MANBA: variants seen among roughly 807,000 people sequenced by gnomAD.
MANBA encodes the protein mannosidase beta, also known as beta-mannosidase.
A neutral mutation model predicts 111.1 loss-of-function variants in MANBA; 83 were observed. The observed-to-expected ratio is 0.75, with a 90% CI of 0.63 to 0.90. The LOEUF is 0.90. Ranked by LOEUF, MANBA falls within the 40% of genes least tolerant of loss-of-function variation. The pLI is 0.00. For missense variants in MANBA, 1,036 were observed against 1,069.0 expected (o/e 0.97, Z 0.43); for synonymous variants, 370 against 378.7 (o/e 0.98, Z 0.27).
intron 5 of MANBA, among the ~76,000 whole-genome samples, chr4:102,700,654 T>A (rs1237641241): frequency 6.6e-6 from 1 of 152,242 alleles, no homozygotes; most frequent in Non-Finnish European, 1.5e-5. Flanking sequence ...TCAGTTTCCA[T>A]GTAGTTGAGC....
chr4:102,755,423 G>A (rs1356379045), intron 1 of MANBA, among the ~76,000 whole-genome samples: 1 of 152,190 alleles, frequency 6.6e-6, no homozygotes, highest in Non-Finnish European at 1.5e-5. Flanking sequence ...GCCAAATGTA[G>A]AAAGCTGAAA....
At chr4:102,742,584 G>C (rs929910949) in intron 1 of MANBA, among the ~76,000 whole-genome samples, 1 of 152,184 alleles carries the variant, frequency 6.6e-6, no homozygotes, top group Non-Finnish European at 1.5e-5. Context: ...AACATGGTAA[G>C]ACCAGTGAAT....
At chr4:102,672,314 A>G (rs1044248405) in intron 8 of MANBA, among the ~76,000 whole-genome samples, 2 of 152,210 alleles carry the variant, frequency 1.3e-5, no homozygotes, top group African/African-American at 4.8e-5. Context: ...TAGATAATAA[A>G]TAAGTTTAAA....
intron 14 of MANBA, among the ~76,000 whole-genome samples, chr4:102,638,273 A>G (rs1369821774): frequency 1.3e-5 from 2 of 152,130 alleles, no homozygotes; most frequent in Non-Finnish European, 2.9e-5. Context: ...AAAAAATACA[A>G]AAATGAGCCA....
At chr4:102,681,386 C>A (rs1731969022) in intron 7 of MANBA, among the ~76,000 whole-genome samples, 1 of 152,014 alleles carries the variant, frequency 6.6e-6, no homozygotes, top group Non-Finnish European at 1.5e-5. Context: ...GTATCTGCCA[C>A]CCCCTACTAA....
At chr4:102,724,230 C>T (rs1173336463) in intron 2 of MANBA, among the ~76,000 whole-genome samples, 1 of 152,166 alleles carries the variant, frequency 6.6e-6, no homozygotes, top group Non-Finnish European at 1.5e-5. Flanking sequence ...AATATATTGA[C>T]TTTTTCTAGT....
chr4:102,659,460 C>G (rs1472172488), intron 11 of MANBA, among the ~76,000 whole-genome samples: 2 of 152,072 alleles, frequency 1.3e-5, no homozygotes, highest in Non-Finnish European at 2.9e-5. Context: ...AAATCCTTAA[C>G]CCTTTCCTTT....
intron 13 of MANBA, among the ~76,000 whole-genome samples, chr4:102,644,091 GTCTGAATTT>G (rs1729996947): frequency 6.6e-6 from 1 of 152,092 alleles, no homozygotes; most frequent in African/African-American, 2.4e-5. Context: ...TGAGGTAGTG[GTCTGAATTT>G]ATTCTTTTGC....
intron 5 of MANBA, among the ~76,000 whole-genome samples, chr4:102,697,295 A>G (rs1732761131): frequency 6.6e-6 from 1 of 152,206 alleles, no homozygotes; most frequent in African/African-American, 2.4e-5. Context: ...TTCCAAATGA[A>G]TGCATTAAAA....
At position 102,635,949 on chromosome 4, in the gene MANBA, CA is replaced by C. The variant is rs774701514; in HGVS notation, c.2072del (p.Leu691ArgfsTer4). On this transcript the variant is annotated frameshift_variant, in exon 15 of 17. Coordinates refer to ENST00000647097, the MANE Select transcript of MANBA (RefSeq NM_005908.4). LOFTEE classifies it high-confidence loss of function. The stretch of plus-strand genomic sequence containing the variant: ...TTTCATTCTCAAAGCCTACTGGCAA[CA>C]GTGGAGCAAAGAAATTCTGAGCAAA... ...HYFAQNFFAP[L>X]LPVGFENENT... The C allele has an allele frequency of 5.6e-6, 9 of 1,612,758 alleles. No individual in the cohort carries two copies. The highest frequency in any genetic ancestry group is 7.6e-6 in the Non-Finnish European group (9 of 1,178,734).
chr4:102,697,890 G>C (rs1384945495), intron 5 of MANBA, among the ~76,000 whole-genome samples: 2 of 152,044 alleles, frequency 1.3e-5, no homozygotes, highest in East Asian at 3.9e-4. Flanking sequence ...GGATGGCTGG[G>C]TCAAATGGTA....
chr4:102,695,620 C>A (rs1037889963), intron 5 of MANBA, among the ~76,000 whole-genome samples: 6 of 152,134 alleles, frequency 3.9e-5, no homozygotes, highest in African/African-American at 1.4e-4. Context: ...CATCACTTTG[C>A]AGATGTTTCT....
At chr4:102,687,285 T>C (rs1159811254) in intron 7 of MANBA, among the ~76,000 whole-genome samples, 1 of 152,130 alleles carries the variant, frequency 6.6e-6, no homozygotes, top group Non-Finnish European at 1.5e-5. Context: ...ACCACCACAG[T>C]CTTCTAACTG....
intron 7 of MANBA, among the ~76,000 whole-genome samples, chr4:102,680,057 T>G (rs17033150): frequency 6.6e-6 from 1 of 152,156 alleles, no homozygotes; most frequent in African/African-American, 2.4e-5. Context: ...GGGACAACAA[T>G]TGGGGCGTTT....
intron 1 of MANBA, among the ~76,000 whole-genome samples, chr4:102,741,352 A>G (rs1723396378): frequency 6.6e-6 from 1 of 152,196 alleles, no homozygotes; most frequent in South Asian, 2.1e-4. Context: ...TGGAATGTAA[A>G]CTAGTACAAC....
chr4:102,691,760 T>C (rs227372), intron 5 of MANBA, among the ~76,000 whole-genome samples: 97,088 of 151,910 alleles, frequency 0.64, 31,312 homozygotes, highest in South Asian at 0.8. Flanking sequence ...CTCCAGCCTC[T>C]ACCTCCCAAA....
chr4:102,756,771 T>G (rs1447265420), intron 1 of MANBA, among the ~76,000 whole-genome samples: 1 of 148,298 alleles, frequency 6.7e-6, no homozygotes, highest in African/African-American at 2.5e-5. Flanking sequence ...ATCTATATAT[T>G]TTAATGTTGG....
intron 7 of MANBA, among the ~76,000 whole-genome samples, chr4:102,682,440 C>G (rs111506840): frequency 2.0e-5 from 3 of 152,154 alleles, no homozygotes; most frequent in African/African-American, 7.2e-5. Flanking sequence ...CTGTCTGCAC[C>G]TAGGGCTAAC....
At chr4:102,698,918 A>C (rs1430764469) in intron 5 of MANBA, among the ~76,000 whole-genome samples, 1 of 152,118 alleles carries the variant, frequency 6.6e-6, no homozygotes, top group Admixed American at 6.5e-5. Context: ...CTTGATGGGG[A>C]TGGCATTGAA....
Sources: gnomAD v4.1 joint callset for allele counts (sites outside exome capture counted in the v4.1 genomes callset) on GRCh38, gnomAD v4.1.1 for gene constraint, MANE v1.5 for transcripts, NCBI Gene and HGNC (gene_info 2026-07-23, HGNC 2026-07-21) for gene names.